The following EBF3 variants were observed in gnomAD, a reference collection of about 807,000 sequenced individuals.
The protein encoded by EBF3 is transcription factor COE3.
Under a neutral mutation model 77.1 loss-of-function variants are expected in EBF3, and 18 were observed. The observed-to-expected ratio is 0.23, with a 90% CI of 0.16 to 0.35. The LOEUF (loss-of-function observed/expected upper bound fraction) is 0.35, where lower values mean the gene tolerates loss of function less well. Ranked by LOEUF, EBF3 falls within the 10% of genes least tolerant of loss-of-function variation. The pLI is 1.00. For synonymous variants in EBF3, 350 were observed against 343.5 expected (o/e 1.02, Z -0.21); for missense variants, 558 against 860.0 (o/e 0.65, Z 4.39).
At chr10:129,867,723 T>C in intron 9 of EBF3, 59 bp downstream of exon 9, 1 of 1,602,302 alleles carries the variant, frequency 6.2e-7, no homozygotes, top group Non-Finnish European at 8.5e-7. Flanking sequence ...ATTGACAGCT[T>C]GTCAAATCCA....
Position 129,842,026 on chromosome 10 carries a change from C to T in EBF3, c.1372+90G>A. On this transcript the variant is annotated intron_variant, in intron 13 of 16. Transcript: ENST00000440978. This position sits in a 1 kb window ranked among gnomAD's most constrained non-coding sequence, Gnocchi z 4.4. ...ACAGAACGCTACGGACATTCCCCAG[C>T]TGGCCCTGGACACGTGCCTCTTCAG... 2 of 1,535,136 alleles carry T rather than the reference C, an allele frequency of 1.3e-6. No individual in the cohort carries two copies. The highest frequency in any genetic ancestry group is 2.4e-5 in the South Asian group (2 of 84,744).
chr10:129,850,946 G>A (rs577151250), intron 10 of EBF3, among the ~76,000 whole-genome samples: 34 of 152,320 alleles, frequency 2.2e-4, no homozygotes, highest in Admixed American at 6.5e-4. Flanking sequence ...TGAGCCCTCC[G>A]CACGCAGAGT....
rs191008778 is a variant in EBF3, at chr10:129,871,813, T to C, written c.781+1639A>G. ...TATGCTAGTCCTCAGAGTCACCCTA[T>C]TGGCATTTTTAAATTAGTAGTCACT... On this transcript the variant is annotated intron_variant, in intron 8 of 16. Coordinates refer to ENST00000440978, the MANE Select transcript of EBF3 (RefSeq NM_001375380.1). 4.2e-4 allele frequency among the ~76,000 whole-genome samples: 64 copies of C among 152,324 alleles called. No individual in the cohort carries two copies. In the East Asian group the frequency reaches 9.4e-3, roughly 22 times the overall value.
intron 6 of EBF3, among the ~76,000 whole-genome samples, chr10:129,913,349 G>C (rs750999171): frequency 3.3e-5 from 5 of 152,254 alleles, no homozygotes; most frequent in East Asian, 1.9e-4. Flanking sequence ...AGGGCCCAAG[G>C]CTTGCTCCAG....
intron 6 of EBF3, among the ~76,000 whole-genome samples, chr10:129,918,893 A>T (rs11816384): frequency 0.17 from 25,725 of 152,218 alleles, 2,338 homozygotes; most frequent in Middle Eastern, 0.23. Flanking sequence ...GAAACGTGGC[A>T]TGTAGCAGAG....
intron 6 of EBF3, among the ~76,000 whole-genome samples, chr10:129,956,949 A>C (rs950993897): frequency 1.3e-5 from 2 of 152,264 alleles, no homozygotes; most frequent in Non-Finnish European, 2.9e-5. Flanking sequence ...AAAGCATTTT[A>C]TGACACATCT....
At chr10:129,873,098 C>G (rs954851199) in intron 8 of EBF3, among the ~76,000 whole-genome samples, 1 of 152,210 alleles carries the variant, frequency 6.6e-6, no homozygotes, top group African/African-American at 2.4e-5. Flanking sequence ...TAACCACCCA[C>G]TGGGCCTGCA....
At chr10:129,844,761 A>C (rs1850336888) in intron 11 of EBF3, among the ~76,000 whole-genome samples, 1 of 152,198 alleles carries the variant, frequency 6.6e-6, no homozygotes, top group Non-Finnish European at 1.5e-5. Flanking sequence ...TCTAGTTTGC[A>C]TACAAATAAA....
Position 129,923,246 on chromosome 10 carries a change from T to G in EBF3, c.554+34012A>C, listed in dbSNP as rs566496703. 2.8e-4 allele frequency among the ~76,000 whole-genome samples: 42 copies of G among 152,354 alleles called. 1 individual carries two copies. Among genetic ancestry groups the G allele is most frequent in the African/African-American group, 9.9e-4 (41 of 41,592 alleles). ...AAGCTGCTCAACAGTAGAATCATTT[T>G]GCAATAGAAAAAGTGTGATGCCCTC... is the stretch of plus-strand genomic sequence containing the variant. On this transcript the variant is annotated intron_variant, in intron 6 of 16. Coordinates refer to ENST00000440978, the MANE Select transcript of EBF3 (RefSeq NM_001375380.1).
Position 129,841,034 on chromosome 10 carries a change from T to G in EBF3, c.1373-2A>C, listed in dbSNP as rs1849999625. The G allele has an allele frequency of 6.4e-7, 1 of 1,560,250 alleles. No homozygotes were observed. The highest frequency in any genetic ancestry group is 8.7e-7 in the Non-Finnish European group (1 of 1,151,668). On this transcript the variant is annotated splice_acceptor_variant, in intron 13 of 16. Coordinates refer to ENST00000440978, the MANE Select transcript of EBF3 (RefSeq NM_001375380.1). LOFTEE classifies it high-confidence loss of function. The surrounding 1 kb of genome is among the most constrained non-coding windows in gnomAD (Gnocchi z 4.6). ...TGCTTGTATTGCGACTGTAGCCGAC[T>G]GTTGAAATCCCCCCCCCGGCCAAAA...
At chr10:129,893,490 GA>G (rs1366669098) in intron 6 of EBF3, among the ~76,000 whole-genome samples, 6 of 152,132 alleles carry the variant, frequency 3.9e-5, no homozygotes, top group African/African-American at 1.4e-4. Flanking sequence ...TATAATTAAT[GA>G]AAACTGTCAA....
intron 10 of EBF3, among the ~76,000 whole-genome samples, chr10:129,862,043 T>C (rs1362762532): frequency 3.9e-5 from 6 of 152,072 alleles, no homozygotes; most frequent in Non-Finnish European, 8.8e-5. Flanking sequence ...GACTAAATTG[T>C]GGACACCCGC....
chr10:129,865,347 C>A (rs1851927964), intron 10 of EBF3, among the ~76,000 whole-genome samples: 1 of 152,162 alleles, frequency 6.6e-6, no homozygotes, highest in Non-Finnish European at 1.5e-5. Context: ...CCCATTGTGA[C>A]ATGTCTTTAT....
At chr10:129,941,867 T>C (rs981559469) in intron 6 of EBF3, among the ~76,000 whole-genome samples, 3 of 151,346 alleles carry the variant, frequency 2.0e-5, no homozygotes, top group African/African-American at 7.3e-5. Flanking sequence ...ACAGCAGCCA[T>C]TTGCGGGGTC....
chr10:129,846,744 C>G (rs757599040), intron 11 of EBF3, among the ~76,000 whole-genome samples: 120 of 152,094 alleles, frequency 7.9e-4, no homozygotes, highest in Non-Finnish European at 2.2e-4. Flanking sequence ...ATTGAAACTG[C>G]TAGATTTCAT....
At chr10:129,942,341 A>G (rs965095656) in intron 6 of EBF3, among the ~76,000 whole-genome samples, 2 of 152,220 alleles carry the variant, frequency 1.3e-5, no homozygotes, top group African/African-American at 2.4e-5. Flanking sequence ...CATTGACAAA[A>G]ATAAACCCCC....
At chr10:129,872,345 TTATTA>T (rs1266701093) in intron 8 of EBF3, among the ~76,000 whole-genome samples, 1 of 151,920 alleles carries the variant, frequency 6.6e-6, no homozygotes, top group Non-Finnish European at 1.5e-5. Flanking sequence ...CGACCTTTAA[TTATTA>T]TATTTTTGTT....
chr10:129,943,846 C>T lies in EBF3; in HGVS notation c.554+13412G>A, dbSNP rs1857975625. ...TTTTCTGTGCTGAGCTCTCTGGAAC[C>T]ATATGTTCAGCAACGTTATGGAGGG... On this transcript the variant is annotated intron_variant, in intron 6 of 16. Transcript: ENST00000440978. The surrounding 1 kb of genome is among the most constrained non-coding windows in gnomAD (Gnocchi z 8.8). Among the ~76,000 whole-genome samples, 1 of 152,192 alleles carries T rather than the reference C, an allele frequency of 6.6e-6. No individual in the cohort carries two copies. Among genetic ancestry groups the T allele is most frequent in the Admixed American group, 6.5e-5 (1 of 15,282 alleles).
chr10:129,882,820 TAAA>T (rs1853299914), intron 6 of EBF3, among the ~76,000 whole-genome samples: 1 of 152,208 alleles, frequency 6.6e-6, no homozygotes, highest in Non-Finnish European at 1.5e-5. Context: ...AAACCACTGA[TAAA>T]ATTATCTTGC....
Sources: gnomAD v4.1 joint callset for allele counts (sites outside exome capture counted in the v4.1 genomes callset) on GRCh38, gnomAD v4.1.1 for gene constraint, Gnocchi (gnomAD v3.1) non-coding constraint, MANE v1.5 for transcripts, NCBI Gene and HGNC (gene_info 2026-07-23, HGNC 2026-07-21) for gene names.